VPS13C: variants seen among roughly 807,000 people sequenced by gnomAD.
VPS13C encodes the protein vacuolar protein sorting 13 homolog C, also known as intermembrane lipid transfer protein VPS13C.
A neutral mutation model predicts 456.8 loss-of-function variants in VPS13C; 358 were observed. That is an observed-to-expected ratio of 0.78 (90% CI 0.72 to 0.86). The LOEUF (loss-of-function observed/expected upper bound fraction) is 0.86. VPS13C is among the 40% of genes least tolerant of loss of function. VPS13C has a pLI of 0.00. For missense variants in VPS13C, 4,818 were observed against 4,385.4 expected, an observed-to-expected ratio of 1.10 and a Z score of -2.79; for synonymous variants, 1,578 against 1,486.7, an observed-to-expected ratio of 1.06 and a Z score of -1.41.
At chr15:62,041,283 A>G (rs1316258456) in intron 3 of VPS13C, 41 bp downstream of exon 3, 2 of 1,575,468 alleles carry the variant, frequency 1.3e-6, no homozygotes, top group South Asian at 2.4e-5. Flanking sequence ...ATAGAAAACA[A>G]TAGGACCAAG....
chr15:61,854,770 T>G (rs2241491), intron 84 of VPS13C, 101 bp downstream of exon 84: 1 of 1,172,468 alleles, frequency 8.5e-7, no homozygotes, highest in Non-Finnish European at 1.2e-6. Context: ...CATAGTTATA[T>G]TTGGGAGAGC....
At chr15:62,035,765 T>G (rs2047974782) in intron 3 of VPS13C, among the ~76,000 whole-genome samples, 1 of 152,012 alleles carries the variant, frequency 6.6e-6, no homozygotes, top group Admixed American at 6.6e-5. Flanking sequence ...ACAGAACACA[T>G]GTTCTCTCTT....
intron 16 of VPS13C, among the ~76,000 whole-genome samples, chr15:62,000,157 T>A (rs2046556681): frequency 6.6e-6 from 1 of 152,084 alleles, no homozygotes; most frequent in Admixed American, 6.6e-5. Flanking sequence ...AGGTCAGGAA[T>A]TCAAGACCAG....
intron 3 of VPS13C, among the ~76,000 whole-genome samples, chr15:62,037,953 C>T (rs114295698): frequency 0.012 from 1,852 of 152,068 alleles, 39 homozygotes; most frequent in African/African-American, 0.042. Flanking sequence ...ATGACCCAAA[C>T]GGAAGTATCC....
At position 62,007,411 on chromosome 15, in the gene VPS13C, C is replaced by A. The variant is rs906366377; in HGVS notation, c.1187G>T (p.Ser396Ile). ...TAACTGCCTGTGCTTTTTTATGTTACTCCATGACCACATCTGTGTATACCT... is the reference window on the plus strand; with the variant it reads ...TAACTGCCTGTGCTTTTTTATGTTAATCCATGACCACATCTGTGTATACCT... ...IRRYTQMWSW[S>I]NIKKHRQLLK... The change falls in exon 15 of 85, where the codon AGT (serine) becomes ATT (isoleucine). Residue 396 changes from serine (S) to isoleucine (I), a missense_variant. Ser to Ile is a moderately radical substitution (Grantham distance 142, BLOSUM62 -2). Around this residue, in one of 3 missense-constraint regions of VPS13C, gnomAD observed 4,552 missense variants for 4,130.6 expected, o/e 1.10. Transcript: ENST00000644861. 1 of 1,612,892 alleles carries A rather than the reference C, an allele frequency of 6.2e-7. No individual in the cohort carries two copies. The highest frequency in any genetic ancestry group is 8.5e-7 in the Non-Finnish European group (1 of 1,179,516).
At chr15:62,006,121 T>C (rs1308581020) in intron 15 of VPS13C, among the ~76,000 whole-genome samples, 2 of 151,884 alleles carry the variant, frequency 1.3e-5, no homozygotes, top group Non-Finnish European at 1.5e-5. Context: ...ATTATTATTA[T>C]ACTTTAAGTT....
At chr15:61,861,511 T>C (rs1013314571) in intron 82 of VPS13C, among the ~76,000 whole-genome samples, 1 of 152,156 alleles carries the variant, frequency 6.6e-6, no homozygotes, top group African/African-American at 2.4e-5. Flanking sequence ...TCCTGTTCTA[T>C]GTTATCTACA....
chr15:61,907,158 C>T (rs551097744), intron 66 of VPS13C, 106 bp downstream of exon 66: 4 of 1,551,070 alleles, frequency 2.6e-6, no homozygotes, highest in East Asian at 4.5e-5. Flanking sequence ...GGAAATACTT[C>T]CAATTCACTT....
chr15:61,940,067 T>G (rs2044367181), intron 47 of VPS13C, among the ~76,000 whole-genome samples: 1 of 152,132 alleles, frequency 6.6e-6, no homozygotes, highest in Admixed American at 6.5e-5. Flanking sequence ...CCTTTCTAAT[T>G]AAAACAAGGC....
At chr15:62,034,414 A>G (rs1412018974) in intron 4 of VPS13C, among the ~76,000 whole-genome samples, 2 of 151,692 alleles carry the variant, frequency 1.3e-5, no homozygotes, top group Non-Finnish European at 3.0e-5. Flanking sequence ...TTAACATTAT[A>G]TTGTTCTTAT....
At chr15:62,034,442 TAAAG>T (rs993653877) in intron 4 of VPS13C, among the ~76,000 whole-genome samples, 5 of 151,580 alleles carry the variant, frequency 3.3e-5, no homozygotes, top group African/African-American at 1.2e-4. Context: ...AAAATAATAA[TAAAG>T]ATATTACTTA....
chr15:62,001,293 AC>A (rs1381148639), intron 15 of VPS13C, among the ~76,000 whole-genome samples: 2 of 152,236 alleles, frequency 1.3e-5, no homozygotes, highest in African/African-American at 4.8e-5. Flanking sequence ...CCAAGTCAGT[AC>A]TTGAACCCAA....
In VPS13C at chr15:61,867,558, A is replaced by G; in HGVS notation, c.10863+1101T>C. On this transcript the variant is annotated intron_variant, in intron 81 of 84. Coordinates refer to ENST00000644861, the MANE Select transcript of VPS13C (RefSeq NM_020821.3). This position sits in a 1 kb window ranked among gnomAD's most constrained non-coding sequence, Gnocchi z 5.0. ...AACATAAACATATTAATTGGACATAATAATTGTCCTGTTTTTCAATTTTAC... is the reference window on the plus strand; with the variant it reads ...AACATAAACATATTAATTGGACATAGTAATTGTCCTGTTTTTCAATTTTAC... The G allele has an allele frequency of 9.9e-7, 1 of 1,013,898 alleles. No homozygotes were observed. Among genetic ancestry groups the G allele is most frequent in the Non-Finnish European group, 1.2e-6 (1 of 849,590 alleles). 62.8% of individuals were successfully genotyped at this position (1,013,898 alleles called of 1,614,324 possible).
chr15:61,940,028 A>G (rs1030618157), intron 47 of VPS13C, among the ~76,000 whole-genome samples: 22 of 151,958 alleles, frequency 1.4e-4, no homozygotes, highest in Non-Finnish European at 2.1e-4. Context: ...CTTATCAAAT[A>G]TACACATTTG....
intron 8 of VPS13C, among the ~76,000 whole-genome samples, chr15:62,021,621 A>G (rs1596489357): frequency 6.6e-6 from 1 of 151,938 alleles, no homozygotes; most frequent in South Asian, 2.1e-4. Context: ...GTTCTAAATC[A>G]TCCAACTGGG....
intron 15 of VPS13C, among the ~76,000 whole-genome samples, chr15:62,004,943 A>G (rs1268319815): frequency 6.6e-6 from 1 of 152,138 alleles, no homozygotes; most frequent in East Asian, 1.9e-4. Context: ...ACTTCCAAGT[A>G]TATGGTCAAT....
At chr15:61,882,486 CAA>C (rs1329121740) in intron 69 of VPS13C, 108 bp downstream of exon 69, 2 of 1,091,894 alleles carry the variant, frequency 1.8e-6, no homozygotes, top group Non-Finnish European at 1.2e-6. Context: ...AACATACAAA[CAA>C]AGAAAAGATA....
chr15:61,899,431 G>A (rs528120426), intron 66 of VPS13C, among the ~76,000 whole-genome samples: 44 of 151,132 alleles, frequency 2.9e-4, no homozygotes, highest in East Asian at 9.9e-4. Flanking sequence ...TATCACCACC[G>A]ATCCCACACA....
At chr15:61,995,673 A>G (rs2046360481) in intron 16 of VPS13C, among the ~76,000 whole-genome samples, 1 of 152,186 alleles carries the variant, frequency 6.6e-6, no homozygotes, top group Non-Finnish European at 1.5e-5. Context: ...AATCAACAAA[A>G]AGCTGGAGCC....
Sources: gnomAD v4.1 joint callset for allele counts (sites outside exome capture counted in the v4.1 genomes callset) on GRCh38, gnomAD v4.1.1 for gene constraint, gnomAD v4.1.1 regional missense constraint, Gnocchi (gnomAD v3.1) non-coding constraint, MANE v1.5 for transcripts, NCBI Gene and HGNC (gene_info 2026-07-23, HGNC 2026-07-21) for gene names.